The following SLC71A1 variants were observed in gnomAD, a reference collection of about 807,000 sequenced individuals.
SLC71A1 encodes solute carrier family 71 member 1.
the SLC71A1 span, among the ~76,000 whole-genome samples, chr1:100,050,565 A>G: frequency 6.6e-6 from 1 of 152,192 alleles, no homozygotes; most frequent in Non-Finnish European, 1.5e-5. Context: ...AGGACTATCT[A>G]TGGTAAATAT....
chr1:100,069,790 A>C, the SLC71A1 span: 3 of 757,628 alleles, frequency 4.0e-6, no homozygotes, highest in African/African-American at 5.3e-5. Context: ...CAAAGTCAGG[A>C]GTCTGAGGTT....
At chr1:100,082,113 C>T in the SLC71A1 span, 1 of 1,614,114 alleles carries the variant, frequency 6.2e-7, no homozygotes, top group Non-Finnish European at 8.5e-7. Flanking sequence ...TAAGGTCCAG[C>T]AGTTGGAGAA....
chr1:100,082,282 C>G, the SLC71A1 span: 1 of 1,094,428 alleles, frequency 9.1e-7, no homozygotes, highest in Non-Finnish European at 1.4e-6. Context: ...GATGTACATT[C>G]CATTTCCATC....
the SLC71A1 span, chr1:100,043,204 G>A: frequency 8.2e-6 from 8 of 978,664 alleles, no homozygotes; most frequent in Non-Finnish European, 9.7e-6. Flanking sequence ...TAAAGTTTAA[G>A]TAAAAAAATG....
chr1:100,076,342 G>A, the SLC71A1 span, among the ~76,000 whole-genome samples: 11 of 151,954 alleles, frequency 7.2e-5, no homozygotes, highest in African/African-American at 2.2e-4. Flanking sequence ...TATTAAAAAC[G>A]TTAGTTAGAA....
the SLC71A1 span, among the ~76,000 whole-genome samples, chr1:100,056,135 T>A: frequency 1.3e-5 from 2 of 152,222 alleles, no homozygotes; most frequent in Non-Finnish European, 2.9e-5. Flanking sequence ...TTATTTATTC[T>A]ATTTTTTTGT....
the SLC71A1 span, among the ~76,000 whole-genome samples, chr1:100,052,454 A>T: frequency 2.7e-5 from 3 of 109,188 alleles, no homozygotes; most frequent in South Asian, 2.9e-4. Flanking sequence ...TTTGAGACGG[A>T]GTCTCGCTCT....
the SLC71A1 span, chr1:100,060,036 A>G: frequency 1.2e-4 from 193 of 1,557,272 alleles, no homozygotes; most frequent in Non-Finnish European, 1.3e-4. Flanking sequence ...TAGCAACTAA[A>G]TATCACTTTC....
At chr1:100,052,151 TC>T in the SLC71A1 span, among the ~76,000 whole-genome samples, 1 of 152,200 alleles carries the variant, frequency 6.6e-6, no homozygotes, top group East Asian at 1.9e-4. Flanking sequence ...AGTAGGGTGA[TC>T]AAAATGTGGA....
chr1:100,063,031 TTAAG>T, the SLC71A1 span, among the ~76,000 whole-genome samples: 4 of 152,036 alleles, frequency 2.6e-5, no homozygotes, highest in South Asian at 8.3e-4. Context: ...AATAGTCTAA[TTAAG>T]CTATAGTTTA....
chr1:100,082,274 T>G, the SLC71A1 span: 4 of 1,223,856 alleles, frequency 3.3e-6, no homozygotes. Flanking sequence ...TAGTTCTGGA[T>G]GTACATTCCA....
chr1:100,041,771 A>G, the SLC71A1 span, among the ~76,000 whole-genome samples: 1 of 152,156 alleles, frequency 6.6e-6, no homozygotes, highest in Non-Finnish European at 1.5e-5. Context: ...CAAAATTACA[A>G]AAATGAGCTA....
the SLC71A1 span, chr1:100,082,411 ACCTTTT>A: frequency 8.8e-6 from 5 of 568,738 alleles, no homozygotes; most frequent in Non-Finnish European, 1.6e-5. Flanking sequence ...CTTTTGAAAA[ACCTTTT>A]GTTTATTAGC....
chr1:100,064,112 T>C, the SLC71A1 span, among the ~76,000 whole-genome samples: 1 of 152,164 alleles, frequency 6.6e-6, no homozygotes, highest in African/African-American at 2.4e-5. Flanking sequence ...TATGTATGTG[T>C]GTGTGTGTAT....
chr1:100,082,226 G>C, the SLC71A1 span: 1 of 1,604,410 alleles, frequency 6.2e-7, no homozygotes, highest in Non-Finnish European at 8.5e-7. Flanking sequence ...AAATCAGGAA[G>C]ATTTTTCTAT....
chr1:100,038,317 G>A, the SLC71A1 span: 1 of 1,553,728 alleles, frequency 6.4e-7, no homozygotes, highest in Non-Finnish European at 8.7e-7. Flanking sequence ...CGGAGGCACG[G>A]TGAGCTGAGT....
the SLC71A1 span, among the ~76,000 whole-genome samples, chr1:100,062,586 A>G: frequency 6.6e-6 from 1 of 152,230 alleles, no homozygotes; most frequent in African/African-American, 2.4e-5. Flanking sequence ...ATAGATCACT[A>G]CTGAATAGCC....
the SLC71A1 span, chr1:100,069,564 T>A: frequency 8.9e-7 from 1 of 1,129,186 alleles, no homozygotes; most frequent in Non-Finnish European, 1.3e-6. Flanking sequence ...GTTTTCTATC[T>A]GGTATACATT....
chr1:100,067,958 T>G, the SLC71A1 span: 2 of 1,606,580 alleles, frequency 1.2e-6, no homozygotes, highest in Admixed American at 1.7e-5. Flanking sequence ...AATCTCTGTC[T>G]ATCCTTAATT....
Sources: gnomAD v4.1 joint callset for allele counts (sites outside exome capture counted in the v4.1 genomes callset) on GRCh38, gnomAD v4.1.1 for gene constraint, MANE v1.5 for transcripts, NCBI Gene and HGNC (gene_info 2026-07-23, HGNC 2026-07-21) for gene names.